The following TUSC3 variants were observed in gnomAD, a reference collection of about 807,000 sequenced individuals.
TUSC3 encodes dolichyl-diphosphooligosaccharide--protein glycosyltransferase subunit TUSC3.
A neutral mutation model predicts 44.8 loss-of-function variants in TUSC3; 45 were observed. The observed-to-expected ratio is 1.00, with a 90% CI of 0.79 to 1.29. TUSC3 has a LOEUF of 1.29. TUSC3 is among the 50% of genes most tolerant of loss of function. TUSC3 has a pLI of 0.00. For missense variants in TUSC3, 519 were observed against 437.9 expected (o/e 1.19, Z -1.65); for synonymous variants, 212 against 152.9 (o/e 1.39, Z -2.85).
chr8:15,806,286 A>G, the TUSC3 span: 1 of 656,316 alleles, frequency 1.5e-6, no homozygotes, highest in East Asian at 3.1e-5. Flanking sequence ...CTCATTGGCT[A>G]ATGTGTACAC....
At chr8:15,491,754 C>T (rs116835733) in intron 2 of TUSC3, among the ~76,000 whole-genome samples, 1 of 152,284 alleles carries the variant, frequency 6.6e-6, no homozygotes, top group African/African-American at 2.4e-5. Context: ...AACGCAGAGA[C>T]ATTTGCTGAA....
At position 15,419,016 on chromosome 8, in the gene TUSC3, A is replaced by C. The variant is rs1415183463; in HGVS notation, n.91+1711A>C. Reference sequence around the variant, plus strand: ...CAAGACCCTCTCTCTTAAGGAAAAAAGAAAAAAAGAATTAAAGGTTAAAAG... The same window carrying C: ...CAAGACCCTCTCTCTTAAGGAAAAACGAAAAAAAGAATTAAAGGTTAAAAG... On this transcript the variant is annotated intron_variant and non_coding_transcript_variant, in intron 1 of 5. Transcript: ENST00000503191. Among the ~76,000 whole-genome samples, 5 of 152,180 alleles carry C rather than the reference A, an allele frequency of 3.3e-5. No individual in the cohort carries two copies. In the East Asian group the frequency reaches 9.6e-4, roughly 29 times the overall value.
At chr8:15,488,677 T>C (rs1800766694) in intron 2 of TUSC3, among the ~76,000 whole-genome samples, 1 of 152,106 alleles carries the variant, frequency 6.6e-6, no homozygotes, top group Non-Finnish European at 1.5e-5. Context: ...TTAGTGTCTT[T>C]ATAAGGAAAG....
At chr8:15,447,800 C>T (rs1348037600) in intron 1 of TUSC3, among the ~76,000 whole-genome samples, 14 of 150,450 alleles carry the variant, frequency 9.3e-5, no homozygotes, top group African/African-American at 3.2e-4. Flanking sequence ...AAAACTATTA[C>T]AAATAAATGA....
chr8:15,422,751 C>G (rs1484455459), intron 1 of TUSC3, among the ~76,000 whole-genome samples: 1 of 151,810 alleles, frequency 6.6e-6, no homozygotes, highest in Non-Finnish European at 1.5e-5. Context: ...CCCCCAGGCG[C>G]CCCACCTCAG....
intron 1 of TUSC3, among the ~76,000 whole-genome samples, chr8:15,574,105 C>T (rs1802997428): frequency 1.3e-5 from 2 of 152,114 alleles, no homozygotes; most frequent in Admixed American, 6.6e-5. Flanking sequence ...TCAGCATTCA[C>T]CGTCAAGGGA....
intron 2 of TUSC3, 131 bp downstream of exon 2, chr8:15,623,380 AAAT>A (rs1373904742): frequency 2.1e-6 from 2 of 947,318 alleles, no homozygotes; most frequent in Non-Finnish European, 2.9e-6. Flanking sequence ...GTGCATTTAA[AAAT>A]AAGCTGAAAA....
chr8:15,706,537 A>G (rs1809621877), intron 6 of TUSC3, among the ~76,000 whole-genome samples: 1 of 152,050 alleles, frequency 6.6e-6, no homozygotes, highest in South Asian at 2.1e-4. Flanking sequence ...ATACTTAAAA[A>G]GGGTTTGAAG....
chr8:15,830,874 C>T, the TUSC3 span, among the ~76,000 whole-genome samples: 1 of 152,122 alleles, frequency 6.6e-6, no homozygotes, highest in South Asian at 2.1e-4. Context: ...AGCCATATAA[C>T]AAACCTGTGC....
At chr8:15,777,201 A>T in the TUSC3 span, among the ~76,000 whole-genome samples, 366 of 152,312 alleles carry the variant, frequency 2.4e-3, no homozygotes, top group Non-Finnish European at 3.6e-3. Flanking sequence ...ACTTCCAATC[A>T]TATCAAGAAT....
At chr8:15,472,696 C>T (rs997592563) in intron 1 of TUSC3, among the ~76,000 whole-genome samples, 3 of 152,254 alleles carry the variant, frequency 2.0e-5, no homozygotes, top group East Asian at 3.9e-4. Flanking sequence ...CCCAGTCTTG[C>T]ACTAGAAACC....
At chr8:15,688,430 CTTTTT>C (rs11383982) in intron 6 of TUSC3, among the ~76,000 whole-genome samples, 6 of 141,296 alleles carry the variant, frequency 4.2e-5, no homozygotes, top group Admixed American at 3.5e-4. Context: ...CTTCAGTATT[CTTTTT>C]TTTTTTTTTT....
chr8:15,506,840 C>A (rs1344074814), intron 2 of TUSC3, among the ~76,000 whole-genome samples: 3 of 152,126 alleles, frequency 2.0e-5, no homozygotes, highest in Non-Finnish European at 4.4e-5. Flanking sequence ...AAGGGCCCTG[C>A]CCCTTACCCG....
chr8:15,802,775 G>A, the TUSC3 span, among the ~76,000 whole-genome samples: 3 of 151,708 alleles, frequency 2.0e-5, no homozygotes, highest in East Asian at 5.8e-4. Flanking sequence ...TAACTCAAAT[G>A]AAGCATATCT....
At chr8:15,814,427 A>C in the TUSC3 span, among the ~76,000 whole-genome samples, 1 of 152,218 alleles carries the variant, frequency 6.6e-6, no homozygotes. Context: ...TTTTCAATCT[A>C]CTAAGATGTA....
chr8:15,535,637 T>C (rs1801512415), upstream of TUSC3, among the ~76,000 whole-genome samples: 1 of 152,200 alleles, frequency 6.6e-6, no homozygotes, highest in Admixed American at 6.5e-5. Context: ...GCAAGCGCTA[T>C]TCTAGACAGT....
intron 1 of TUSC3, among the ~76,000 whole-genome samples, chr8:15,617,066 C>T (rs139555074): frequency 0.011 from 1,735 of 151,206 alleles, 32 homozygotes; most frequent in African/African-American, 0.039. Context: ...AATAGATGTA[C>T]ACTAATCCAC....
At chr8:15,629,951 A>T (rs1360754718) in intron 2 of TUSC3, among the ~76,000 whole-genome samples, 1 of 152,072 alleles carries the variant, frequency 6.6e-6, no homozygotes, top group East Asian at 1.9e-4. Context: ...TCCTCGGCCA[A>T]ATAAAGTTGT....
chr8:15,705,147 G>C (rs539904622), intron 6 of TUSC3, among the ~76,000 whole-genome samples: 1 of 151,090 alleles, frequency 6.6e-6, no homozygotes. Flanking sequence ...CCTTCTTAAC[G>C]GCAGGAATTA....
Sources: gnomAD v4.1 joint callset for allele counts (sites outside exome capture counted in the v4.1 genomes callset) on GRCh38, gnomAD v4.1.1 for gene constraint, MANE v1.5 for transcripts, NCBI Gene and HGNC (gene_info 2026-07-23, HGNC 2026-07-21) for gene names.